Variants in ANKS1B observed in about 807,000 individuals in gnomAD.
ANKS1B encodes ankyrin repeat and sterile alpha motif domain containing 1B.
ANKS1B carries 36 observed loss-of-function variants against 148.3 expected under a neutral mutation model. The ratio of observed to expected loss-of-function variants is 0.24; its 90% CI spans 0.19 to 0.32. The LOEUF (loss-of-function observed/expected upper bound fraction) is 0.32. Among genes scored for constraint, ANKS1B ranks in the 10% least tolerant of loss-of-function variants. The pLI, the probability that ANKS1B is intolerant of heterozygous loss-of-function variation, is 1.00. For synonymous variants in ANKS1B, 542 were observed against 560.8 expected (o/e 0.97, Z 0.47); for missense variants, 1,157 against 1,542.6 (o/e 0.75, Z 4.19).
exon 10 of ANKS1B, chr12:98,735,551 T>A: frequency 1.3e-6 from 1 of 765,724 alleles, no homozygotes; most frequent in East Asian, 2.4e-5. Flanking sequence ...ATATGTAAAT[T>A]CAATTCTATC....
chr12:98,814,291 A>T (rs1178941814), intron 19 of ANKS1B, among the ~76,000 whole-genome samples: 1 of 152,220 alleles, frequency 6.6e-6, no homozygotes, highest in African/African-American at 2.4e-5. Flanking sequence ...TTTCACAGCT[A>T]AATGTTTAGG....
intron 12 of ANKS1B, among the ~76,000 whole-genome samples, chr12:99,355,998 A>G (rs2091937904): frequency 1.3e-5 from 2 of 152,160 alleles, no homozygotes; most frequent in African/African-American, 2.4e-5. Context: ...AGAAACTACA[A>G]TAATTGAACA....
At chr12:99,699,391 C>G (rs1159905780) in intron 8 of ANKS1B, among the ~76,000 whole-genome samples, 2 of 152,168 alleles carry the variant, frequency 1.3e-5, no homozygotes, top group African/African-American at 2.4e-5. Flanking sequence ...TCTATCTCTT[C>G]AGTGCTGACT....
rs1598949450 is a variant in ANKS1B, at chr12:99,655,262, A to G, written c.1129-52T>C. 26 of 1,417,114 alleles carry G rather than the reference A, an allele frequency of 1.8e-5. No homozygotes were observed. The East Asian group carries it at 6.0e-4, about 33-fold the overall frequency. The allele number at this position is 1,417,114 out of a possible 1,614,324, so 87.8% of individuals were successfully genotyped here. ...TATATTATATCAATGATATTTAGAT[A>G]TCTTAACATCAATTAAATTCTATAA... On this transcript the variant is annotated intron_variant, in intron 8 of 26. Transcript: ENST00000683438.
chr12:99,956,837 A>G (rs983927857), intron 1 of ANKS1B, among the ~76,000 whole-genome samples: 9 of 152,208 alleles, frequency 5.9e-5, no homozygotes, highest in African/African-American at 2.2e-4. Context: ...AAGTATAAAA[A>G]TTCCAATTAC....
intron 14 of ANKS1B, among the ~76,000 whole-genome samples, chr12:99,167,313 A>G (rs1394858823): frequency 6.6e-6 from 1 of 152,146 alleles, no homozygotes; most frequent in East Asian, 1.9e-4. Context: ...AATGCTGATT[A>G]GAAGAAAACA....
At chr12:99,026,418 A>G (rs1211199233) in intron 17 of ANKS1B, among the ~76,000 whole-genome samples, 1 of 152,026 alleles carries the variant, frequency 6.6e-6, no homozygotes, top group Non-Finnish European at 1.5e-5. Context: ...CCAACTCCCT[A>G]TAGGAGTAGG....
intron 9 of ANKS1B, among the ~76,000 whole-genome samples, chr12:99,558,597 C>G (rs1270934965): frequency 6.6e-6 from 1 of 152,092 alleles, no homozygotes; most frequent in Non-Finnish European, 1.5e-5. Context: ...TAGTCATGCA[C>G]AGACTGCCAG....
chr12:99,051,116 T>C (rs920917877), intron 17 of ANKS1B, among the ~76,000 whole-genome samples: 1 of 152,124 alleles, frequency 6.6e-6, no homozygotes, highest in African/African-American at 2.4e-5. Context: ...ACTGCAGCTG[T>C]CTACAAGGTC....
chr12:99,704,822 G>A (rs940529736), intron 8 of ANKS1B, among the ~76,000 whole-genome samples: 9 of 151,944 alleles, frequency 5.9e-5, no homozygotes, highest in Non-Finnish European at 1.2e-4. Flanking sequence ...GACTTGGTAG[G>A]GAAAAATATG....
intron 9 of ANKS1B, among the ~76,000 whole-genome samples, chr12:99,538,240 G>GT (rs949035242): frequency 6.6e-6 from 1 of 151,954 alleles, no homozygotes; most frequent in African/African-American, 2.4e-5. Flanking sequence ...GGCTATTCTG[G>GT]TTTTTTTGTG....
intron 9 of ANKS1B, among the ~76,000 whole-genome samples, chr12:99,513,071 C>A (rs1357243036): frequency 6.6e-6 from 1 of 151,166 alleles, no homozygotes; most frequent in Non-Finnish European, 1.5e-5. Context: ...AAAAAAAAAA[C>A]TGTCACAGTC....
At position 99,059,661 on chromosome 12, in the gene ANKS1B, A is replaced by G. The variant is rs2041665522; in HGVS notation, c.2626-6352T>C. ...AGCTATAAAATGAAGGTATTGGACC[A>G]AGGATCTCAAAGCTGCTTTGTAATT... On this transcript the variant is annotated intron_variant, in intron 16 of 26. Transcript: ENST00000683438. 4.6e-5 allele frequency among the ~76,000 whole-genome samples: 7 copies of G among 151,966 alleles called. No homozygotes were observed. In the South Asian group the frequency reaches 1.5e-3, roughly 32 times the overall value.
chr12:99,263,912 T>C (rs937290852), intron 12 of ANKS1B, among the ~76,000 whole-genome samples: 11 of 152,124 alleles, frequency 7.2e-5, no homozygotes, highest in Non-Finnish European at 1.0e-4. Flanking sequence ...AGTGTGAGAA[T>C]GGACTAATAC....
intron 8 of ANKS1B, among the ~76,000 whole-genome samples, chr12:99,679,234 T>A (rs557771001): frequency 6.6e-6 from 1 of 152,318 alleles, no homozygotes; most frequent in East Asian, 1.9e-4. Context: ...ACACTCAGAT[T>A]AAAAGAGCTC....
intron 15 of ANKS1B, among the ~76,000 whole-genome samples, chr12:99,103,473 G>A (rs1353962701): frequency 6.6e-6 from 1 of 152,036 alleles, no homozygotes; most frequent in Non-Finnish European, 1.5e-5. Context: ...ATCTTTCAAG[G>A]TCCAACTCAA....
chr12:99,277,419 T>C (rs1351748264), intron 12 of ANKS1B, among the ~76,000 whole-genome samples: 1 of 152,074 alleles, frequency 6.6e-6, no homozygotes, highest in Non-Finnish European at 1.5e-5. Context: ...CAGCTGAGAA[T>C]CCAAGGAAAT....
intron 14 of ANKS1B, among the ~76,000 whole-genome samples, chr12:99,160,206 T>G (rs1020704881): frequency 6.6e-6 from 1 of 152,250 alleles, no homozygotes; most frequent in African/African-American, 2.4e-5. Flanking sequence ...TTTCTTTTGC[T>G]GTGCAGAAGC....
intron 9 of ANKS1B, among the ~76,000 whole-genome samples, chr12:99,590,248 C>A (rs1255804535): frequency 3.6e-5 from 4 of 110,610 alleles, no homozygotes; most frequent in African/African-American, 1.5e-4. Context: ...TCACTCACAC[C>A]CACACCCACC....
Sources: allele counts gnomAD v4.1 joint callset (sites outside exome capture counted in the v4.1 genomes callset), GRCh38; gene constraint gnomAD v4.1.1; transcripts MANE v1.5; gene names NCBI Gene and HGNC (gene_info 2026-07-23, HGNC 2026-07-21).